Variants in SKIL observed in about 807,000 individuals in gnomAD.
SKIL encodes the protein ski-like protein.
A neutral mutation model predicts 69.6 loss-of-function variants in SKIL; 20 were observed. The ratio of observed to expected loss-of-function variants is 0.29; its 90% CI spans 0.20 to 0.42. The LOEUF is 0.42. SKIL is among the 10% of genes least tolerant of loss of function. SKIL has a pLI of 1.00. For missense variants in SKIL, 745 were observed against 783.1 expected (o/e 0.95, Z 0.58); for synonymous variants, 310 against 279.9 (o/e 1.11, Z -1.08).
At chr3:170,371,717 C>G (rs1232869309) in intron 2 of SKIL, among the ~76,000 whole-genome samples, 1 of 152,120 alleles carries the variant, frequency 6.6e-6, no homozygotes, top group Non-Finnish European at 1.5e-5. Flanking sequence ...CGTACTGGTA[C>G]CATTCTAAAT....
At position 170,384,775 on chromosome 3, in the gene SKIL, C is replaced by T. The variant is rs761594682; in HGVS notation, c.1429+10C>T. The stretch of plus-strand genomic sequence containing the variant: ...TTATGTAGCCGTTTAGGTAAGTATT[C>T]AGAGATTATCTTTCTAAAATTAAAT... On this transcript the variant is annotated intron_variant, in intron 4 of 6. Coordinates refer to ENST00000259119, the MANE Select transcript of SKIL (RefSeq NM_005414.5). The T allele has an allele frequency of 9.8e-6, 13 of 1,328,252 alleles. No individual in the cohort carries two copies. In the South Asian group the frequency reaches 1.7e-4, roughly 17 times the overall value. 82.3% of individuals were successfully genotyped at this position (1,328,252 alleles called of 1,614,324 possible).
intron 3 of SKIL, among the ~76,000 whole-genome samples, chr3:170,382,539 T>A (rs1204301545): frequency 1.3e-5 from 2 of 151,114 alleles, no homozygotes; most frequent in East Asian, 3.9e-4. Context: ...CATGGCATCC[T>A]GTAGCTGAGC....
intron 1 of SKIL, among the ~76,000 whole-genome samples, chr3:170,358,131 C>T (rs1468957835): frequency 1.3e-5 from 2 of 152,156 alleles, no homozygotes; most frequent in African/African-American, 2.4e-5. Flanking sequence ...GGTCTCGACC[C>T]GGTCCGTCAG....
chr3:170,377,704 G>T (rs1229546042), intron 2 of SKIL, among the ~76,000 whole-genome samples: 4 of 142,422 alleles, frequency 2.8e-5, no homozygotes, highest in African/African-American at 1.0e-4. Context: ...GCCTGCTGCC[G>T]CACCCGACTA....
At chr3:170,390,888 A>G (rs1426236803) in intron 5 of SKIL, 148 bp from the exon 6 acceptor site, 9 of 514,986 alleles carry the variant, frequency 1.7e-5, no homozygotes, top group Non-Finnish European at 3.1e-5. Context: ...ATTTTTTGAG[A>G]AAATAGTTTT....
In SKIL at chr3:170,377,542, CTTTTTT is replaced by C. The variant is rs749615295; in HGVS notation, c.1099-3683_1099-3678del. Among the ~76,000 whole-genome samples the C allele has an allele frequency of 5.2e-5, 4 of 77,352 alleles. No individual in the cohort carries two copies. In the Admixed American group the frequency reaches 5.6e-4, roughly 11 times the overall value. The allele number at this position is 77,352 out of a possible 152,430, so 50.7% of individuals were successfully genotyped here. A position where few individuals can be genotyped will look rare whatever the true frequency, so the allele number is the denominator to read the frequency against. ...ATTTCAAATTCATTGCTCAATAATT[CTTTTTT>C]TTTTTTTTTTTTTTTTTTGAGACAG... On this transcript the variant is annotated intron_variant, in intron 2 of 6. Coordinates refer to ENST00000259119, the MANE Select transcript of SKIL (RefSeq NM_005414.5).
At chr3:170,376,042 C>CTTT (rs869036195) in intron 2 of SKIL, among the ~76,000 whole-genome samples, 60 of 89,122 alleles carry the variant, frequency 6.7e-4, no homozygotes, top group East Asian at 9.5e-4. Context: ...GCTGATTTTC[C>CTTT]TTTTTTTTTT....
intron 2 of SKIL, among the ~76,000 whole-genome samples, chr3:170,368,598 T>G (rs867396133): frequency 1.3e-5 from 2 of 152,232 alleles, no homozygotes; most frequent in African/African-American, 4.8e-5. Context: ...GGATGGTATT[T>G]CAAACTACTA....
At chr3:170,392,008 G>A (rs565365704) in intron 6 of SKIL, among the ~76,000 whole-genome samples, 3 of 152,284 alleles carry the variant, frequency 2.0e-5, no homozygotes, top group African/African-American at 4.8e-5. Flanking sequence ...GTGATGAGCG[G>A]TATAGTAAAG....
At position 170,370,559 on chromosome 3, in the gene SKIL, T is replaced by G. The variant is rs575718220; in HGVS notation, c.1098+9130T>G. Reference sequence around the variant, plus strand: ...TAAAGGTTTGGATAACAGTGAAGTCTAAGTGGCCCTATAAAGTTACCAGTG... The same window carrying G: ...TAAAGGTTTGGATAACAGTGAAGTCGAAGTGGCCCTATAAAGTTACCAGTG... On this transcript the variant is annotated intron_variant, in intron 2 of 6. Transcript: ENST00000259119. Among the ~76,000 whole-genome samples the G allele has an allele frequency of 2.2e-4, 32 of 147,648 alleles. No homozygotes were observed. The South Asian group carries it at 6.8e-3, about 32-fold the overall frequency.
chr3:170,359,976 A>G lies in SKIL; in HGVS notation c.-356A>G, dbSNP rs1265187056. On this transcript the variant is annotated 5_prime_UTR_variant, in exon 2 of 7. Coordinates refer to ENST00000259119, the MANE Select transcript of SKIL (RefSeq NM_005414.5). ...ACTTTTCATGTGTTTTGGTTAAAAC[A>G]AACCAGACCATTGCATTGACCCTGG... is the stretch of plus-strand genomic sequence containing the variant. 1 of 171,786 alleles carries G rather than the reference A, an allele frequency of 5.8e-6. No individual in the cohort carries two copies. Among genetic ancestry groups the G allele is most frequent in the Non-Finnish European group, 1.2e-5 (1 of 81,058 alleles). 10.6% of individuals were successfully genotyped at this position (171,786 alleles called of 1,614,324 possible). A position where few individuals can be genotyped will look rare whatever the true frequency, so the allele number is the denominator to read the frequency against.
chr3:170,373,017 T>C (rs1267189360), intron 2 of SKIL, among the ~76,000 whole-genome samples: 1 of 149,024 alleles, frequency 6.7e-6, no homozygotes, highest in African/African-American at 2.5e-5. Context: ...AGACGGAGTC[T>C]CACTCTGTCG....
intron 1 of SKIL, among the ~76,000 whole-genome samples, chr3:170,358,082 C>G (rs960540857): frequency 1.3e-5 from 2 of 152,154 alleles, no homozygotes; most frequent in African/African-American, 4.8e-5. Context: ...CGTCACCGCC[C>G]CCCTCCCCCA....
rs1443159147 is a variant in SKIL, at chr3:170,395,605, A to T, written c.*3188A>T. 1 of 152,112 alleles carries T rather than the reference A, an allele frequency of 6.6e-6. No homozygotes were observed. The highest frequency in any genetic ancestry group is 1.5e-5 in the Non-Finnish European group (1 of 67,946). The allele number at this position is 152,112 out of a possible 1,614,324, so 9.4% of individuals were successfully genotyped here. A position where few individuals can be genotyped will look rare whatever the true frequency, so the allele number is the denominator to read the frequency against. On this transcript the variant is annotated 3_prime_UTR_variant, in exon 7 of 7. Transcript: ENST00000259119. ...AGTTATAAGGAAACTCAAATACTAT[A>T]AGATGTGTCAAGGTATTTCTCCAGA...
chr3:170,361,218 G>A lies in SKIL; in HGVS notation c.887G>A (p.Gly296Glu). 6.2e-7 allele frequency: 1 copy of A among 1,614,152 alleles called. No homozygotes were observed. Residue 296 changes from glycine (G) to glutamate (E), a missense_variant, in exon 2 of 7, where the codon GGA becomes GAA. Physicochemically the swap from Gly to Glu is moderately conservative, Grantham distance 98 (BLOSUM62 -2). Transcript: ENST00000259119. ...TGTATTCAATGTCTGGAGTGTTGTG[G>A]AATGTTTGCACCCCAGACGTTTGTG... ...APCIQCLECCGMFAPQTFVMH... is the reference protein window; with the variant it reads ...APCIQCLECCEMFAPQTFVMH...
chr3:170,368,363 G>A lies in SKIL; in HGVS notation c.1098+6934G>A, dbSNP rs371764821. On this transcript the variant is annotated intron_variant, in intron 2 of 6. Coordinates refer to ENST00000259119, the MANE Select transcript of SKIL (RefSeq NM_005414.5). ...GTATTTTTTCTATTTTTTTGGAACC[G>A]AGTTCAAAGCCTGGCATGTCAAAGG... Among the ~76,000 whole-genome samples, 11 of 152,122 alleles carry A rather than the reference G, an allele frequency of 7.2e-5. No homozygotes were observed. In the South Asian group the frequency reaches 1.4e-3, roughly 20 times the overall value.
At chr3:170,370,129 C>T (rs1298355762) in intron 2 of SKIL, among the ~76,000 whole-genome samples, 5 of 152,004 alleles carry the variant, frequency 3.3e-5, no homozygotes, top group East Asian at 1.9e-4. Flanking sequence ...GTCCCAGCTA[C>T]TCGGGAGGCT....
intron 2 of SKIL, among the ~76,000 whole-genome samples, chr3:170,363,840 G>C (rs1191439951): frequency 6.6e-6 from 1 of 152,116 alleles, no homozygotes; most frequent in Non-Finnish European, 1.5e-5. Context: ...TGTAGAACTT[G>C]CTTACAGTTG....
intron 2 of SKIL, among the ~76,000 whole-genome samples, chr3:170,368,990 A>G (rs961906853): frequency 2.0e-4 from 30 of 151,950 alleles, no homozygotes; most frequent in Non-Finnish European, 4.4e-5. Context: ...CTCATTTTTT[A>G]CAAAACGACT....
Sources: gnomAD v4.1 joint callset for allele counts (sites outside exome capture counted in the v4.1 genomes callset) on GRCh38, gnomAD v4.1.1 for gene constraint, MANE v1.5 for transcripts, NCBI Gene and HGNC (gene_info 2026-07-23, HGNC 2026-07-21) for gene names.